ARMC9: variants seen among roughly 807,000 people sequenced by gnomAD.
ARMC9 encodes lisH domain-containing protein ARMC9.
A neutral mutation model predicts 107.0 loss-of-function variants in ARMC9; 94 were observed. The ratio of observed to expected loss-of-function variants is 0.88; its 90% CI spans 0.74 to 1.04. The LOEUF (loss-of-function observed/expected upper bound fraction) is 1.04, where lower values mean the gene tolerates loss of function less well. Among genes scored for constraint, ARMC9 ranks in the 50% least tolerant of loss-of-function variants. The pLI is 0.00. For synonymous variants in ARMC9, 380 were observed against 396.9 expected (o/e 0.96, Z 0.51); for missense variants, 942 against 1,030.1 (o/e 0.91, Z 1.17).
chr2:231,368,404 CA>C (rs2125599249), intron 23 of ARMC9, among the ~76,000 whole-genome samples: 1 of 152,220 alleles, frequency 6.6e-6, no homozygotes, highest in South Asian at 2.1e-4. Context: ...AAAAGGAGAA[CA>C]TCCATTTATT....
At chr2:231,224,546 G>A (rs1217445579) in intron 6 of ARMC9, among the ~76,000 whole-genome samples, 1 of 152,220 alleles carries the variant, frequency 6.6e-6, no homozygotes, top group Non-Finnish European at 1.5e-5. Context: ...AAACAGTCCA[G>A]TATATAGTAA....
At chr2:231,273,219 C>T (rs1001759215) in intron 14 of ARMC9, 141 bp downstream of exon 14, 1 of 1,188,566 alleles carries the variant, frequency 8.4e-7, no homozygotes, top group Admixed American at 2.5e-5. Context: ...AGCTAGAAAG[C>T]TTATCTGTAA....
intron 19 of ARMC9, among the ~76,000 whole-genome samples, chr2:231,314,765 T>G (rs1276552240): frequency 2.0e-5 from 3 of 152,262 alleles, no homozygotes; most frequent in Admixed American, 2.0e-4. Flanking sequence ...TTATGTTTCC[T>G]TCTAAGGGCT....
chr2:231,245,334 C>T (rs547893343), intron 9 of ARMC9, among the ~76,000 whole-genome samples: 32 of 152,292 alleles, frequency 2.1e-4, no homozygotes, highest in African/African-American at 7.2e-4. Context: ...TCTAAGATTA[C>T]GCAAGTCACG....
intron 21 of ARMC9, among the ~76,000 whole-genome samples, chr2:231,349,299 T>C (rs533056450): frequency 1.3e-5 from 2 of 152,132 alleles, no homozygotes; most frequent in South Asian, 2.1e-4. Context: ...GAACTGGAGA[T>C]CATTATGCTA....
In ARMC9 at chr2:231,258,982, G is replaced by A; in HGVS notation, c.915-9G>A. The A allele has an allele frequency of 1.2e-6, 2 of 1,603,058 alleles. No individual in the cohort carries two copies. ...TTTTCTTTCTCTTTGAACTTGTGTTGCTGAGTAGGAAATTGAAGGATGTCC... is the reference window on the plus strand; with the variant it reads ...TTTTCTTTCTCTTTGAACTTGTGTTACTGAGTAGGAAATTGAAGGATGTCC... On this transcript the variant is annotated splice_polypyrimidine_tract_variant and intron_variant, in intron 10 of 24. Transcript: ENST00000611582.
At chr2:231,218,834 C>G (rs938143427) in intron 5 of ARMC9, among the ~76,000 whole-genome samples, 29 of 152,024 alleles carry the variant, frequency 1.9e-4, no homozygotes, top group African/African-American at 6.8e-4. Context: ...TCACTGCAAC[C>G]TCCACCTCCC....
chr2:231,317,985 C>T (rs556296799), intron 19 of ARMC9, among the ~76,000 whole-genome samples: 43 of 151,674 alleles, frequency 2.8e-4, no homozygotes, highest in African/African-American at 1.0e-3. Context: ...CTAAATCTAA[C>T]ATCTGGGCCC....
intron 19 of ARMC9, among the ~76,000 whole-genome samples, chr2:231,322,511 T>A (rs2043054903): frequency 6.6e-6 from 1 of 152,244 alleles, no homozygotes; most frequent in African/African-American, 2.4e-5. Context: ...TCTGTAAGAA[T>A]CTGAGTTTTC....
intron 12 of ARMC9, among the ~76,000 whole-genome samples, chr2:231,266,235 C>A (rs970262089): frequency 6.6e-6 from 1 of 152,174 alleles, no homozygotes; most frequent in African/African-American, 2.4e-5. Flanking sequence ...CTGGGTCCCA[C>A]CAACAGTTTC....
At position 231,264,240 on chromosome 2, in the gene ARMC9, G is replaced by A. The variant is rs528172308; in HGVS notation, c.1119+1842G>A. The stretch of plus-strand genomic sequence containing the variant: ...GTCGCCCAGGTTGGAGTGCAGTGGT[G>A]CAATCTCAGCTCACTGCAACCTCTA... On this transcript the variant is annotated intron_variant, in intron 12 of 24. Transcript: ENST00000611582. Among the ~76,000 whole-genome samples, 3 of 151,672 alleles carry A rather than the reference G, an allele frequency of 2.0e-5. No homozygotes were observed. In the South Asian group the frequency reaches 6.3e-4, roughly 32 times the overall value.
At chr2:231,204,707 G>A (rs2031698200) in intron 1 of ARMC9, among the ~76,000 whole-genome samples, 1 of 152,002 alleles carries the variant, frequency 6.6e-6, no homozygotes, top group Non-Finnish European at 1.5e-5. Context: ...GGTGGTCAGG[G>A]CAAGACTCTC....
rs374650112 is a variant in ARMC9, at chr2:231,352,895, G to A, written c.1995-2903G>A. Among the ~76,000 whole-genome samples the A allele has an allele frequency of 2.0e-4, 23 of 116,918 alleles. 1 individual carries two copies. The highest frequency in any genetic ancestry group is 7.2e-4 in the African/African-American group (10 of 13,802). 76.7% of individuals were successfully genotyped at this position (116,918 alleles called of 152,430 possible). On this transcript the variant is annotated intron_variant, in intron 21 of 24. Coordinates refer to ENST00000611582, the MANE Select transcript of ARMC9 (RefSeq NM_001352754.2). ...GCCTGGGCCAAGATGGTGAATCCCC[G>A]TCTCTACTAAAAATACAAAAATTTG...
chr2:231,312,166 G>C (rs1027450697), intron 19 of ARMC9, among the ~76,000 whole-genome samples: 1 of 152,134 alleles, frequency 6.6e-6, no homozygotes, highest in East Asian at 1.9e-4. Flanking sequence ...GGCTTCATTC[G>C]GCTGGATGTC....
intron 19 of ARMC9, among the ~76,000 whole-genome samples, chr2:231,318,577 C>G (rs1282289283): frequency 6.6e-6 from 1 of 152,148 alleles, no homozygotes; most frequent in Non-Finnish European, 1.5e-5. Context: ...ACCACGTTCA[C>G]ACCTCCAGGC....
At chr2:231,243,221 T>C (rs1448619703) in intron 9 of ARMC9, among the ~76,000 whole-genome samples, 4 of 144,754 alleles carry the variant, frequency 2.8e-5, no homozygotes, top group Non-Finnish European at 6.0e-5. Flanking sequence ...CACTCCAGCC[T>C]GGGTGACAGA....
At position 231,240,026 on chromosome 2, in the gene ARMC9, C is replaced by T. The variant is rs149589070; in HGVS notation, c.864C>T (p.Phe288=). The T allele has an allele frequency of 1.2e-6, 2 of 1,613,550 alleles. No homozygotes were observed. Residue 288 remains phenylalanine (F), a synonymous_variant, in exon 9 of 25, where the codon TTC becomes TTT. Coordinates refer to ENST00000611582, the MANE Select transcript of ARMC9 (RefSeq NM_001352754.2). ...AGAGCCTGGCGCATAGTGTGGACTT[C>T]ACGAGGCCTGGGACGGTGAGGCTCT... is the stretch of plus-strand genomic sequence containing the variant. ...MRQSLAHSVD[F]TRPGTASTML...
At chr2:231,235,646 G>A (rs1414285321) in intron 8 of ARMC9, among the ~76,000 whole-genome samples, 4 of 151,496 alleles carry the variant, frequency 2.6e-5, no homozygotes, top group African/African-American at 7.3e-5. Flanking sequence ...ATTCTTTTTT[G>A]TTTGTTTGTT....
chr2:231,229,192 C>T (rs937523733), intron 7 of ARMC9, among the ~76,000 whole-genome samples: 10 of 151,990 alleles, frequency 6.6e-5, no homozygotes, highest in African/African-American at 2.4e-4. Flanking sequence ...ATTGGAGATT[C>T]GCATTTTGGG....
Sources: allele counts gnomAD v4.1 joint callset (sites outside exome capture counted in the v4.1 genomes callset), GRCh38; gene constraint gnomAD v4.1.1; transcripts MANE v1.5; gene names NCBI Gene and HGNC (gene_info 2026-07-23, HGNC 2026-07-21).